The following MPDZ variants were observed in gnomAD, a reference collection of about 807,000 sequenced individuals.
MPDZ encodes the protein multiple PDZ domain crumbs cell polarity complex component.
MPDZ carries 234 observed loss-of-function variants against 239.1 expected under a neutral mutation model. The observed-to-expected ratio is 0.98, with a 90% confidence interval of 0.88 to 1.09. The LOEUF (loss-of-function observed/expected upper bound fraction) is 1.09, where lower values mean the gene tolerates loss of function less well. Ranked by LOEUF, MPDZ falls within the 50% of genes least tolerant of loss-of-function variation. The pLI is 0.00. For missense variants in MPDZ, 3,175 were observed against 2,510.0 expected, an observed-to-expected ratio of 1.26 and a Z score of -5.66; for synonymous variants, 1,048 against 881.3, an observed-to-expected ratio of 1.19 and a Z score of -3.35.
intron 10 of MPDZ, among the ~76,000 whole-genome samples, chr9:13,209,250 T>C (rs1008779511): frequency 1.3e-5 from 2 of 152,194 alleles, no homozygotes; most frequent in Non-Finnish European, 2.9e-5. Flanking sequence ...AATTACTTTA[T>C]TTGTAATAAA....
At chr9:13,239,545 A>T (rs1233153095) in intron 3 of MPDZ, among the ~76,000 whole-genome samples, 4 of 152,152 alleles carry the variant, frequency 2.6e-5, no homozygotes, top group African/African-American at 9.7e-5. Context: ...TGCTAAGAGA[A>T]AAAGTAGGGT....
chr9:13,144,274 A>G (rs1003056163), intron 26 of MPDZ, among the ~76,000 whole-genome samples: 1 of 152,050 alleles, frequency 6.6e-6, no homozygotes, highest in Non-Finnish European at 1.5e-5. Flanking sequence ...GGCTTTAGAT[A>G]ATATTTGAAG....
At position 13,143,663 on chromosome 9, in the gene MPDZ, G is replaced by A. The variant is rs1017308588; in HGVS notation, c.3742-99C>T. The A allele has an allele frequency of 1.1e-5, 10 of 888,458 alleles. No homozygotes were observed. In the African/African-American group the frequency reaches 1.6e-4, roughly 15 times the overall value. The allele number at this position is 888,458 out of a possible 1,614,324, so 55.0% of individuals were successfully genotyped here. A position where few individuals can be genotyped will look rare whatever the true frequency, so the allele number is the denominator to read the frequency against. On this transcript the variant is annotated intron_variant, in intron 26 of 46. Coordinates refer to ENST00000319217, the MANE Select transcript of MPDZ (RefSeq NM_001378778.1). ...CATACCGATTTAAAGAACTGCCTGT[G>A]TGAAACTAGATCCTATCAGATCCAG...
intron 12 of MPDZ, among the ~76,000 whole-genome samples, chr9:13,202,244 T>C (rs1462966371): frequency 6.6e-6 from 1 of 152,154 alleles, no homozygotes; most frequent in Non-Finnish European, 1.5e-5. Context: ...TTATTTCCTC[T>C]AGGGTAGGCT....
intron 17 of MPDZ, among the ~76,000 whole-genome samples, chr9:13,187,384 T>C (rs939278798): frequency 4.2e-4 from 64 of 152,122 alleles, no homozygotes; most frequent in African/African-American, 1.5e-3. Flanking sequence ...ATGTTTGCCA[T>C]TTCTCTCTGT....
chr9:13,209,739 G>C (rs1957395739), intron 10 of MPDZ, among the ~76,000 whole-genome samples: 1 of 151,902 alleles, frequency 6.6e-6, no homozygotes, highest in Non-Finnish European at 1.5e-5. Context: ...TTACAAAGAA[G>C]AAACAAGTAT....
chr9:13,273,318 A>G (rs1973444127), intron 1 of MPDZ, among the ~76,000 whole-genome samples: 2 of 152,186 alleles, frequency 1.3e-5, no homozygotes, highest in South Asian at 4.1e-4. Context: ...TTGTAGAATA[A>G]TCTTTAATCT....
chr9:13,152,593 T>C (rs1384457129), intron 24 of MPDZ, among the ~76,000 whole-genome samples: 2 of 152,034 alleles, frequency 1.3e-5, no homozygotes, highest in African/African-American at 4.8e-5. Flanking sequence ...CTCTTTCTTT[T>C]GTAAATTCCC....
chr9:13,189,146 T>C (rs985876989), intron 16 of MPDZ, among the ~76,000 whole-genome samples, 153 bp from the exon 17 acceptor site: 2 of 152,122 alleles, frequency 1.3e-5, no homozygotes, highest in African/African-American at 4.8e-5. Context: ...TCTAATTATT[T>C]AGACAAAAGC....
chr9:13,178,667 T>C (rs1303846809), intron 19 of MPDZ, among the ~76,000 whole-genome samples: 1 of 152,210 alleles, frequency 6.6e-6, no homozygotes, highest in Admixed American at 6.5e-5. Flanking sequence ...ACTATCTTAA[T>C]AGGCATTTAC....
intron 22 of MPDZ, among the ~76,000 whole-genome samples, chr9:13,164,110 G>C (rs1275977179): frequency 1.3e-5 from 2 of 152,112 alleles, no homozygotes; most frequent in Non-Finnish European, 2.9e-5. Flanking sequence ...AGCTCTCCTG[G>C]TCATACTGAT....
chr9:13,157,532 G>A (rs925004221), intron 24 of MPDZ, among the ~76,000 whole-genome samples: 1 of 152,084 alleles, frequency 6.6e-6, no homozygotes, highest in African/African-American at 2.4e-5. Flanking sequence ...ATTTGAGGAT[G>A]TCATCTTATC....
chr9:13,115,316 T>C lies in MPDZ; in HGVS notation c.5398A>G (p.Thr1800Ala), dbSNP rs1420070348. Residue 1800 changes from threonine (T) to alanine (A), a missense_variant, in exon 40 of 47, where the codon ACC (threonine) becomes GCC (alanine). By Grantham distance (58) the Thr-to-Ala change is moderately conservative. Coordinates refer to ENST00000319217, the MANE Select transcript of MPDZ (RefSeq NM_001378778.1). ...ALLKCSLGTV[T>A]LEVGRIKAGP... ...GCTTTGATTCTTCCAACTTCCAAGG[T>C]TACTGTGCCTAGGGAACACTGGGGG... 1.9e-6 allele frequency: 3 copies of C among 1,612,698 alleles called. No homozygotes were observed. Among genetic ancestry groups the C allele is most frequent in the Non-Finnish European group, 2.5e-6 (3 of 1,179,788 alleles).
intron 17 of MPDZ, among the ~76,000 whole-genome samples, chr9:13,186,946 CA>C (rs1268561118): frequency 1.3e-5 from 2 of 152,060 alleles, no homozygotes; most frequent in Non-Finnish European, 2.9e-5. Flanking sequence ...CAAAACGAAA[CA>C]AAAACCAAAT....
intron 10 of MPDZ, among the ~76,000 whole-genome samples, chr9:13,206,537 C>T (rs529620095): frequency 4.6e-5 from 7 of 151,978 alleles, no homozygotes; most frequent in Admixed American, 4.6e-4. Context: ...CACATGCACA[C>T]ACCACCACAC....
intron 3 of MPDZ, among the ~76,000 whole-genome samples, chr9:13,238,076 G>A (rs1784326740): frequency 6.6e-6 from 1 of 152,136 alleles, no homozygotes; most frequent in South Asian, 2.1e-4. Flanking sequence ...CCTTGGTAAG[G>A]TTTTCCAGAA....
At chr9:13,205,759 C>T (rs1470710779) in intron 11 of MPDZ, among the ~76,000 whole-genome samples, 157 bp downstream of exon 11, 1 of 152,146 alleles carries the variant, frequency 6.6e-6, no homozygotes, top group Non-Finnish European at 1.5e-5. Flanking sequence ...GACTTTATTA[C>T]ACTTCTTTAC....
chr9:13,275,160 C>G (rs1245568428), intron 1 of MPDZ, among the ~76,000 whole-genome samples: 5 of 152,192 alleles, frequency 3.3e-5, no homozygotes, highest in Non-Finnish European at 5.9e-5. Context: ...CACACTAAGT[C>G]TCTTTGAGAA....
chr9:13,115,392 T>C (rs554564587), intron 39 of MPDZ, 58 bp from the exon 40 acceptor site: 98 of 1,372,680 alleles, frequency 7.1e-5, no homozygotes, highest in Non-Finnish European at 9.7e-5. Context: ...GCTATAATCA[T>C]CTTTAGGAAT....
Sources: allele counts gnomAD v4.1 joint callset (sites outside exome capture counted in the v4.1 genomes callset), GRCh38; gene constraint gnomAD v4.1.1; transcripts MANE v1.5; gene names NCBI Gene and HGNC (gene_info 2026-07-23, HGNC 2026-07-21).